ANGPTL4: variants seen among roughly 807,000 people sequenced by gnomAD.
The protein encoded by ANGPTL4 is angiopoietin like 4.
In ANGPTL4, 39 loss-of-function variants were observed where a neutral mutation model predicts 39.2. The ratio of observed to expected loss-of-function variants is 1.00; its 90% CI spans 0.77 to 1.30. The LOEUF is 1.30. Among genes scored for constraint, ANGPTL4 ranks in the 50% most tolerant of loss-of-function variants. ANGPTL4 has a pLI of 0.00. For synonymous variants in ANGPTL4, 233 were observed against 229.5 expected (o/e 1.02, Z -0.14); for missense variants, 545 against 549.8 (o/e 0.99, Z 0.09).
chr19:8,364,791 AG>A (rs1441987899), intron 1 of ANGPTL4, 152 bp downstream of exon 1: 1 of 1,030,716 alleles, frequency 9.7e-7, no homozygotes, highest in African/African-American at 1.6e-5. Flanking sequence ...TAGGAAGCCG[AG>A]GAGGGAGGTT....
intron 4 of ANGPTL4, among the ~76,000 whole-genome samples, chr19:8,370,653 T>C (rs1045047810): frequency 4.7e-5 from 7 of 148,400 alleles, no homozygotes; most frequent in African/African-American, 7.5e-5. Flanking sequence ...TGAGCTGAGA[T>C]TGCGGCACTG....
At chr19:8,372,334 C>G (rs1260370425) in intron 6 of ANGPTL4, among the ~76,000 whole-genome samples, 1 of 151,694 alleles carries the variant, frequency 6.6e-6, no homozygotes, top group Non-Finnish European at 1.5e-5. Flanking sequence ...GTTGGGATTA[C>G]AGGCGTGAGC....
chr19:8,369,836 A>G (rs1971079778), intron 4 of ANGPTL4, among the ~76,000 whole-genome samples: 1 of 151,888 alleles, frequency 6.6e-6, no homozygotes, highest in African/African-American at 2.4e-5. Flanking sequence ...TATCATGAGG[A>G]TCACTTGAGC....
chr19:8,370,963 G>A (rs1330593283), intron 4 of ANGPTL4, 93 bp from the exon 5 acceptor site: 1 of 1,397,628 alleles, frequency 7.2e-7, no homozygotes, highest in Non-Finnish European at 9.9e-7. Context: ...GTCTTCCTGG[G>A]TTTGGAGGGG....
In ANGPTL4 at chr19:8,373,874, G is replaced by A; in HGVS notation, c.1209G>A (p.Glu403=). 6.2e-7 allele frequency: 1 copy of A among 1,613,510 alleles called. No individual in the cohort carries two copies. The highest frequency in any genetic ancestry group is 2.2e-5 in the East Asian group (1 of 44,882). ...TGTTGATCCAGCCCATGGCAGCAGA[G>A]GCAGCCTCCTAGCGTCCTGGCTGGG... The part of the protein sequence containing the change: ...TTMLIQPMAA[E]AAS The change falls in exon 7 of 7, where the codon GAG becomes GAA. Residue 403 remains glutamate, a synonymous_variant. Transcript: ENST00000301455.
chr19:8,369,987 G>A (rs1372670645), intron 4 of ANGPTL4, among the ~76,000 whole-genome samples: 18 of 151,684 alleles, frequency 1.2e-4, no homozygotes, highest in African/African-American at 3.4e-4. Flanking sequence ...GACAGATCAC[G>A]AGGTCAGGAG....
At chr19:8,366,434 C>CCAGAGA in intron 3 of ANGPTL4, 115 bp downstream of exon 3, 2 of 1,156,602 alleles carry the variant, frequency 1.7e-6, no homozygotes, top group Non-Finnish European at 1.3e-6. Flanking sequence ...GCCTGGAGTC[C>CCAGAGA]CTGAGGGCTC....
rs759309735 is a variant in ANGPTL4, at chr19:8,369,342, G to GT, written c.661+12dup. ...TGCAAGATGACCTCAGGTAGGGTGT[G>GT]TTAGTCCACCAGGGGCCCCTCTCCC... is the stretch of plus-strand genomic sequence containing the variant. On this transcript the variant is annotated intron_variant, in intron 4 of 6. Transcript: ENST00000301455. 1.4e-4 allele frequency: 222 copies of GT among 1,604,054 alleles called. No individual in the cohort carries two copies. Among genetic ancestry groups the GT allele is most frequent in the Non-Finnish European group, 1.8e-4 (210 of 1,174,848 alleles).
intron 4 of ANGPTL4, 116 bp downstream of exon 4, chr19:8,369,448 A>C: frequency 1.4e-6 from 1 of 695,428 alleles, no homozygotes; most frequent in Non-Finnish European, 2.3e-6. Flanking sequence ...ATGTTGCCCA[A>C]GCTGGTCTTT....
intron 3 of ANGPTL4, 32 bp from the exon 4 acceptor site, chr19:8,369,187 C>T (rs1312875660): frequency 6.3e-7 from 1 of 1,581,752 alleles, no homozygotes. Context: ...GGCTGCCCTC[C>T]TGTTTCAAGT....
intron 6 of ANGPTL4, among the ~76,000 whole-genome samples, chr19:8,372,503 C>CAA (rs34569037): frequency 3.1e-3 from 427 of 136,266 alleles, no homozygotes; most frequent in Middle Eastern, 0.015. Context: ...AAGCAATTCT[C>CAA]AAAAAAAAAA....
At chr19:8,372,881 C>T (rs760870765) in intron 6 of ANGPTL4, among the ~76,000 whole-genome samples, 13 of 152,118 alleles carry the variant, frequency 8.5e-5, no homozygotes, top group South Asian at 2.1e-4. Flanking sequence ...CACTTGAGCC[C>T]GTAAGGTTGA....
Position 8,374,041 on chromosome 19 carries a change from T to C in ANGPTL4, c.*155T>C. The stretch of plus-strand genomic sequence containing the variant: ...AAGACCACGACTGGAGAAGCCCCCT[T>C]TCTGAGTGCAGGGGGGCTGCATGCG... On this transcript the variant is annotated 3_prime_UTR_variant, in exon 7 of 7. Transcript: ENST00000301455. The C allele has an allele frequency of 1.3e-6, 1 of 784,876 alleles. No homozygotes were observed. 48.6% of individuals were successfully genotyped at this position (784,876 alleles called of 1,614,324 possible). A position where few individuals can be genotyped will look rare whatever the true frequency, so the allele number is the denominator to read the frequency against.
In ANGPTL4 at chr19:8,371,459, T is replaced by G; in HGVS notation, c.976T>G (p.Phe326Val). The change falls in exon 6 of 7, where the codon TTC becomes GTC. Residue 326 changes from phenylalanine (F) to valine (V), a missense_variant. Coordinates refer to ENST00000301455, the MANE Select transcript of ANGPTL4 (RefSeq NM_139314.3). The surrounding 1 kb of genome is among the most constrained non-coding windows in gnomAD (Gnocchi z 5.1). ...CCCACCCAGCGGCCTCTCCGTACCCTTCTCCACTTGGGACCAGGATCACGA... is the reference window on the plus strand; with the variant it reads ...CCCACCCAGCGGCCTCTCCGTACCCGTCTCCACTTGGGACCAGGATCACGA... ...TVPPSGLSVPFSTWDQDHDLR... is the reference protein window; with the variant it reads ...TVPPSGLSVPVSTWDQDHDLR... The G allele has an allele frequency of 6.2e-7, 1 of 1,613,320 alleles. No homozygotes were observed. The highest frequency in any genetic ancestry group is 8.5e-7 in the Non-Finnish European group (1 of 1,180,006).
chr19:8,366,037 C>G lies in ANGPTL4; in HGVS notation c.402C>G (p.His134Gln). ...AGCAGCGGCACCTGGAGAAGCAGCA[C>G]CTGCGAATTCAGCATCTGCAAAGCC... ...AQQQRHLEKQ[H>Q]LRIQHLQSQF... The change falls in exon 2 of 7, where the codon CAC (histidine) becomes CAG (glutamine). Residue 134 changes from histidine (H) to glutamine (Q), a missense_variant. Transcript: ENST00000301455. The G allele has an allele frequency of 6.2e-7, 1 of 1,614,146 alleles. No individual in the cohort carries two copies. The highest frequency in any genetic ancestry group is 8.5e-7 in the Non-Finnish European group (1 of 1,180,026).
chr19:8,370,700 T>TAAA lies in ANGPTL4; in HGVS notation c.662-337_662-335dup, dbSNP rs33922743. Among the ~76,000 whole-genome samples the TAAA allele has an allele frequency of 2.9e-3, 291 of 99,220 alleles. 1 individual carries two copies. Among genetic ancestry groups the TAAA allele is most frequent in the African/African-American group, 4.2e-3 (107 of 25,404 alleles). The allele number at this position is 99,220 out of a possible 152,430, so 65.1% of individuals were successfully genotyped here. ...GGGCAACAGAGTGAGACTCCATCTCTAAAAAAAAAAAAAAAAAAAAAGAAA... is the reference window on the plus strand; with the variant it reads ...GGGCAACAGAGTGAGACTCCATCTCTAAAAAAAAAAAAAAAAAAAAAAAAGAAA... On this transcript the variant is annotated intron_variant, in intron 4 of 6. Coordinates refer to ENST00000301455, the MANE Select transcript of ANGPTL4 (RefSeq NM_139314.3).
In ANGPTL4 at chr19:8,371,450, T is replaced by TC; in HGVS notation, c.969dup (p.Val324ArgfsTer52). 1 of 1,613,368 alleles carries TC rather than the reference T, an allele frequency of 6.2e-7. No individual in the cohort carries two copies. The highest frequency in any genetic ancestry group is 8.5e-7 in the Non-Finnish European group (1 of 1,180,022). On this transcript the variant is annotated frameshift_variant, in exon 6 of 7. Coordinates refer to ENST00000301455, the MANE Select transcript of ANGPTL4 (RefSeq NM_139314.3). LOFTEE classifies it high-confidence loss of function. The surrounding 1 kb of genome is among the most constrained non-coding windows in gnomAD (Gnocchi z 5.1). ...CACCACCGTCCCACCCAGCGGCCTC[T>TC]CCGTACCCTTCTCCACTTGGGACCA...
intron 3 of ANGPTL4, among the ~76,000 whole-genome samples, 158 bp downstream of exon 3, chr19:8,366,477 C>G (rs1260190943): frequency 7.2e-5 from 11 of 152,112 alleles, no homozygotes; most frequent in Admixed American, 7.2e-4. Flanking sequence ...ATGGGAGCAC[C>G]TCCTTCCTCA....
intron 6 of ANGPTL4, among the ~76,000 whole-genome samples, chr19:8,373,041 G>A (rs1207651797): frequency 6.6e-6 from 1 of 152,148 alleles, no homozygotes; most frequent in East Asian, 1.9e-4. Flanking sequence ...GGCCGAGGTG[G>A]GTGGATCACC....
Sources: allele counts gnomAD v4.1 joint callset (sites outside exome capture counted in the v4.1 genomes callset), GRCh38; gene constraint gnomAD v4.1.1; non-coding constraint Gnocchi (gnomAD v3.1); transcripts MANE v1.5; gene names NCBI Gene and HGNC (gene_info 2026-07-23, HGNC 2026-07-21).